ZNF236: variants seen among roughly 807,000 people sequenced by gnomAD.
ZNF236 encodes zinc finger protein 236, also known as regulated by glucose.
A neutral mutation model predicts 191.2 loss-of-function variants in ZNF236; 50 were observed. The observed-to-expected ratio is 0.26, with a 90% CI of 0.21 to 0.33. The LOEUF (loss-of-function observed/expected upper bound fraction) is 0.33, where lower values mean the gene tolerates loss of function less well. ZNF236 is among the 10% of genes least tolerant of loss of function. ZNF236 has a pLI of 1.00. For missense variants in ZNF236, 1,754 were observed against 2,374.5 expected (o/e 0.74, Z 5.43); for synonymous variants, 907 against 928.8 (o/e 0.98, Z 0.43).
chr18:76,915,558 CA>C lies in ZNF236; in HGVS notation c.3062-88del, dbSNP rs1967334065. On this transcript the variant is annotated intron_variant, in intron 18 of 30. Transcript: ENST00000320610. ...CAGGATAATGTTGTAACTTATTAAACATATCTTTGTTTGGTTTTGACTGCTT... is the reference window on the plus strand; with the variant it reads ...CAGGATAATGTTGTAACTTATTAAACTATCTTTGTTTGGTTTTGACTGCTT... 2.6e-6 allele frequency: 3 copies of C among 1,166,914 alleles called. No individual in the cohort carries two copies. In the Admixed American group the frequency reaches 5.7e-5, roughly 22 times the overall value. The allele number at this position is 1,166,914 out of a possible 1,614,324, so 72.3% of individuals were successfully genotyped here. A position where few individuals can be genotyped will look rare whatever the true frequency, so the allele number is the denominator to read the frequency against.
intron 5 of ZNF236, among the ~76,000 whole-genome samples, chr18:76,873,779 G>A (rs1052436296): frequency 2.6e-5 from 4 of 152,220 alleles, no homozygotes; most frequent in South Asian, 2.1e-4. Flanking sequence ...CACTCTCGCC[G>A]TGCCTCCTGC....
intron 1 of ZNF236, among the ~76,000 whole-genome samples, chr18:76,840,281 G>T (rs553529111): frequency 8.5e-5 from 13 of 152,334 alleles, no homozygotes; most frequent in Admixed American, 2.6e-4. Context: ...GATCACCTGA[G>T]GTTGGGAGTT....
Position 76,960,808 on chromosome 18 carries a change from A to C in ZNF236, c.5372A>C (p.Gln1791Pro). The C allele has an allele frequency of 6.2e-7, 1 of 1,614,138 alleles. No individual in the cohort carries two copies. Among genetic ancestry groups the C allele is most frequent in the Non-Finnish European group, 8.5e-7 (1 of 1,180,000 alleles). The change falls in exon 30 of 31, where the codon CAG becomes CCG. Residue 1791 changes from glutamine (Q) to proline (P), a missense_variant. Transcript: ENST00000320610. The surrounding 1 kb of genome is among the most constrained non-coding windows in gnomAD (Gnocchi z 4.4). ...GCCTACTGCGTCATGGGCTTCACGC[A>C]GAAGAGCAACATGAAGCTGCACATG... Reference protein sequence around the residue: ...KCAYCVMGFTQKSNMKLHMKR... With the variant: ...KCAYCVMGFTPKSNMKLHMKR...
In ZNF236 at chr18:76,837,069, T is replaced by C. The variant is rs1975350656; in HGVS notation, c.56-12457T>C. Among the ~76,000 whole-genome samples the C allele has an allele frequency of 3.5e-5, 5 of 144,514 alleles. No individual in the cohort carries two copies. In the Admixed American group the frequency reaches 3.6e-4, roughly 11 times the overall value. 94.8% of individuals were successfully genotyped at this position (144,514 alleles called of 152,430 possible). ...TTTTGTATTTTTAGTAGAGATGGGG[T>C]TTTGCCATGTTGGCCAGGCTGGTCT... On this transcript the variant is annotated intron_variant, in intron 1 of 30. Coordinates refer to ENST00000320610, the MANE Select transcript of ZNF236 (RefSeq NM_001306089.2).
chr18:76,876,500 CT>C (rs1976719562), intron 6 of ZNF236, among the ~76,000 whole-genome samples: 1 of 152,068 alleles, frequency 6.6e-6, no homozygotes, highest in African/African-American at 2.4e-5. Context: ...TAGAAGCTGT[CT>C]TTGATCTTAG....
chr18:76,925,852 G>C lies in ZNF236; in HGVS notation c.4027+298G>C, dbSNP rs1967662439. ...CTCAGTTGGCATTCTCATAAATTTA[G>C]TAGTGAGAAGTGTAATTTATAAATA... On this transcript the variant is annotated intron_variant, in intron 22 of 30. Coordinates refer to ENST00000320610, the MANE Select transcript of ZNF236 (RefSeq NM_001306089.2). This position sits in a 1 kb window ranked among gnomAD's most constrained non-coding sequence, Gnocchi z 5.7. 6.6e-6 allele frequency among the ~76,000 whole-genome samples: 1 copy of C among 152,202 alleles called. No homozygotes were observed. The highest frequency in any genetic ancestry group is 2.4e-5 in the African/African-American group (1 of 41,446).
At chr18:76,869,943 G>A (rs935935043) in intron 4 of ZNF236, among the ~76,000 whole-genome samples, 2 of 152,156 alleles carry the variant, frequency 1.3e-5, no homozygotes, top group Non-Finnish European at 2.9e-5. Context: ...GCGACACAGC[G>A]AGACTCTGTC....
chr18:76,942,809 C>T (rs1968163534), intron 26 of ZNF236, among the ~76,000 whole-genome samples: 1 of 150,966 alleles, frequency 6.6e-6, no homozygotes, highest in African/African-American at 2.4e-5. Flanking sequence ...CCACCACGCC[C>T]AGCCTAGTAT....
At position 76,947,505 on chromosome 18, in the gene ZNF236, A is replaced by G; in HGVS notation, c.4783-16A>G. 1.9e-6 allele frequency: 3 copies of G among 1,610,388 alleles called. No individual in the cohort carries two copies. Among genetic ancestry groups the G allele is most frequent in the Non-Finnish European group, 1.7e-6 (2 of 1,178,696 alleles). ...CTAAAGTTACAACTTCTGAAATAGTACTAATCTTTTGCCAGGGTCAGCAGT... is the reference window on the plus strand; with the variant it reads ...CTAAAGTTACAACTTCTGAAATAGTGCTAATCTTTTGCCAGGGTCAGCAGT... On this transcript the variant is annotated splice_polypyrimidine_tract_variant and intron_variant, in intron 26 of 30. Coordinates refer to ENST00000320610, the MANE Select transcript of ZNF236 (RefSeq NM_001306089.2).
chr18:76,931,285 C>G (rs890669050), intron 25 of ZNF236: 2 of 152,170 alleles, frequency 1.3e-5, no homozygotes, highest in African/African-American at 4.8e-5. Context: ...AGCTAAAGAG[C>G]TCTGCCCACA....
intron 26 of ZNF236, among the ~76,000 whole-genome samples, chr18:76,940,150 C>CGGTGGGCT (rs1968100807): frequency 7.1e-6 from 1 of 141,410 alleles, no homozygotes; most frequent in African/African-American, 2.7e-5. Context: ...TTTGGGAACA[C>CGGTGGGCT]AGTGGGCTAC....
intron 1 of ZNF236, among the ~76,000 whole-genome samples, chr18:76,843,488 AAAG>A (rs776201271): frequency 6.6e-6 from 1 of 152,092 alleles, no homozygotes; most frequent in Non-Finnish European, 1.5e-5. Flanking sequence ...GTTTTAAATA[AAAG>A]AAGAGGCCGG....
rs1235852784 is a variant in ZNF236 at position 76,822,906 on chromosome 18, T to TGAGGCGG, written c.55+260_55+266dup. 4.8e-3 allele frequency among the ~76,000 whole-genome samples: 711 copies of TGAGGCGG among 147,534 alleles called. 2 individuals carry two copies. The highest frequency in any genetic ancestry group is 5.9e-3 in the Non-Finnish European group (388 of 66,102). Reference sequence around the variant, plus strand: ...CTACTTTCCTGGGCCGGGCGGCGGCTGAGGCGGGAGGCGGGAGGCGGGTGA... The same window carrying TGAGGCGG: ...CTACTTTCCTGGGCCGGGCGGCGGCTGAGGCGGGAGGCGGGAGGCGGGAGGCGGGTGA... On this transcript the variant is annotated intron_variant, in intron 1 of 30. Coordinates refer to ENST00000320610, the MANE Select transcript of ZNF236 (RefSeq NM_001306089.2).
chr18:76,954,235 T>C (rs1968472265), intron 27 of ZNF236, among the ~76,000 whole-genome samples: 1 of 152,246 alleles, frequency 6.6e-6, no homozygotes, highest in Admixed American at 6.5e-5. Flanking sequence ...GAAATAGTTT[T>C]TAAAGTTTCG....
intron 5 of ZNF236, 102 bp downstream of exon 5, chr18:76,871,927 T>C (rs746533006): frequency 7.8e-6 from 11 of 1,415,060 alleles, no homozygotes; most frequent in Non-Finnish European, 1.1e-5. Context: ...AGCTTTCTCA[T>C]AGTTTGCTGG....
At chr18:76,938,867 C>CA (rs1968064192) in intron 26 of ZNF236, among the ~76,000 whole-genome samples, 1 of 152,204 alleles carries the variant, frequency 6.6e-6, no homozygotes, top group African/African-American at 2.4e-5. Flanking sequence ...TGCTGGGAAG[C>CA]ATAGCTTGCA....
At position 76,880,817 on chromosome 18, in the gene ZNF236, T is replaced by C. The variant is rs1976872290; in HGVS notation, c.1189-467T>C. ...GTCCACCGTGACTTCACACTAACTCTTCACTCCTCCTGTCTCTCTGTTACT... is the reference window on the plus strand; with the variant it reads ...GTCCACCGTGACTTCACACTAACTCCTCACTCCTCCTGTCTCTCTGTTACT... On this transcript the variant is annotated intron_variant, in intron 8 of 30. Transcript: ENST00000320610. This position sits in a 1 kb window ranked among gnomAD's most constrained non-coding sequence, Gnocchi z 5.0. Among the ~76,000 whole-genome samples, 1 of 152,178 alleles carries C rather than the reference T, an allele frequency of 6.6e-6. No individual in the cohort carries two copies. Among genetic ancestry groups the C allele is most frequent in the Non-Finnish European group, 1.5e-5 (1 of 68,026 alleles).
chr18:76,955,509 C>T (rs1263010865), intron 27 of ZNF236, among the ~76,000 whole-genome samples: 5 of 152,002 alleles, frequency 3.3e-5, no homozygotes, highest in Admixed American at 3.3e-4. Context: ...TTGTGATCCA[C>T]GGTTTGGAAA....
intron 26 of ZNF236, among the ~76,000 whole-genome samples, chr18:76,943,664 C>G (rs1968193085): frequency 6.6e-6 from 1 of 152,134 alleles, no homozygotes; most frequent in Admixed American, 6.5e-5. Context: ...CAGAAATTGG[C>G]AAATCTTATT....
Sources: allele counts gnomAD v4.1 joint callset (sites outside exome capture counted in the v4.1 genomes callset), GRCh38; gene constraint gnomAD v4.1.1; non-coding constraint Gnocchi (gnomAD v3.1); transcripts MANE v1.5; gene names NCBI Gene and HGNC (gene_info 2026-07-23, HGNC 2026-07-21).